The following STIM1 variants were observed in gnomAD, a reference collection of about 807,000 sequenced individuals.
STIM1 encodes the protein stromal interaction molecule 1.
A neutral mutation model predicts 74.7 loss-of-function variants in STIM1; 25 were observed. The observed-to-expected ratio is 0.33, with a 90% confidence interval of 0.24 to 0.47. The LOEUF (loss-of-function observed/expected upper bound fraction) is 0.47, where lower values mean the gene tolerates loss of function less well. Ranked by LOEUF, STIM1 falls within the 20% of genes least tolerant of loss-of-function variation. The pLI, the probability that STIM1 is intolerant of heterozygous loss-of-function variation, is 1.00. For missense variants in STIM1, 728 were observed against 920.8 expected, an observed-to-expected ratio of 0.79 and a Z score of 2.71; for synonymous variants, 328 against 348.8, an observed-to-expected ratio of 0.94 and a Z score of 0.66.
At chr11:3,940,885 A>C (rs746215507) in intron 1 of STIM1, among the ~76,000 whole-genome samples, 2 of 152,314 alleles carry the variant, frequency 1.3e-5, no homozygotes, top group South Asian at 4.1e-4. Context: ...TGCCATATGC[A>C]TATATTTATA....
intron 2 of STIM1, among the ~76,000 whole-genome samples, chr11:3,974,789 T>C (rs1449053492): frequency 6.6e-6 from 1 of 152,096 alleles, no homozygotes; most frequent in Admixed American, 6.6e-5. Context: ...ACCTGTGTTC[T>C]GTTCAAACTT....
intron 1 of STIM1, among the ~76,000 whole-genome samples, chr11:3,860,460 C>T (rs1041516575): frequency 3.7e-4 from 57 of 152,304 alleles, no homozygotes; most frequent in African/African-American, 1.4e-3. Context: ...CTACTTTAGC[C>T]ACTCTCAAAA....
chr11:3,890,896 A>G (rs2091873676), intron 1 of STIM1, among the ~76,000 whole-genome samples: 1 of 152,182 alleles, frequency 6.6e-6, no homozygotes. Flanking sequence ...CTAAAGCTCC[A>G]TGAAATACTG....
intron 7 of STIM1, 121 bp from the exon 8 acceptor site, chr11:4,082,062 AC>A: frequency 3.7e-6 from 4 of 1,093,294 alleles, no homozygotes; most frequent in Non-Finnish European, 5.6e-6. Flanking sequence ...AATAATCCTT[AC>A]CTTTTCTCCT....
chr11:3,957,202 A>G (rs1160927500), intron 1 of STIM1, among the ~76,000 whole-genome samples: 1 of 152,200 alleles, frequency 6.6e-6, no homozygotes, highest in African/African-American at 2.4e-5. Flanking sequence ...ACTCAGAAGT[A>G]TATCTCATTG....
chr11:3,989,153 G>A, intron 2 of STIM1: 1 of 1,257,778 alleles, frequency 8.0e-7, no homozygotes, highest in Non-Finnish European at 1.2e-6. Context: ...TATGATGTGT[G>A]GTATTATTCA....
chr11:4,084,691 G>T lies in STIM1; in HGVS notation c.1493G>T (p.Gly498Val), dbSNP rs1353996173. Residue 498 changes from glycine (G) to valine (V), a missense_variant, in exon 11 of 13, where the codon GGG (glycine) becomes GTG (valine). Transcript: ENST00000526596. ...LSMQYAAWLM[G>V]RRFSDRSLCS... ...ACCCTAGATGCTGCCTGGCTGATGG[G>T]GCGTAGGTTCAGTGACCGCTCTCTC... is the stretch of plus-strand genomic sequence containing the variant. 2 of 1,289,278 alleles carry T rather than the reference G, an allele frequency of 1.6e-6. No homozygotes were observed. Among genetic ancestry groups the T allele is most frequent in the Non-Finnish European group, 2.0e-6 (2 of 988,874 alleles). 79.9% of individuals were successfully genotyped at this position (1,289,278 alleles called of 1,614,324 possible). A position where few individuals can be genotyped will look rare whatever the true frequency, so the allele number is the denominator to read the frequency against.
intron 2 of STIM1, among the ~76,000 whole-genome samples, chr11:3,974,510 T>C (rs2093427337): frequency 8.2e-6 from 1 of 121,974 alleles, no homozygotes; most frequent in Non-Finnish European, 1.7e-5. Flanking sequence ...ACTCTATCTC[T>C]ACCAAAAAAA....
At chr11:4,065,515 C>A (rs1249148639) in intron 5 of STIM1, among the ~76,000 whole-genome samples, 1 of 151,056 alleles carries the variant, frequency 6.6e-6, no homozygotes, top group Non-Finnish European at 1.5e-5. Flanking sequence ...GCCTTTTATC[C>A]TTTAAACTGG....
intron 1 of STIM1, among the ~76,000 whole-genome samples, chr11:3,955,914 T>A (rs2093206193): frequency 6.6e-6 from 1 of 151,690 alleles, no homozygotes; most frequent in Admixed American, 6.5e-5. Context: ...AAAATTTTAA[T>A]TAAAAATTTT....
chr11:3,907,129 G>T (rs559625014), intron 1 of STIM1, among the ~76,000 whole-genome samples: 2 of 152,162 alleles, frequency 1.3e-5, no homozygotes, highest in Admixed American at 6.5e-5. Flanking sequence ...TTAGAAGTTG[G>T]CAATTATCTC....
intron 2 of STIM1, among the ~76,000 whole-genome samples, chr11:4,015,301 C>T (rs1565149079): frequency 6.6e-6 from 1 of 152,170 alleles, no homozygotes; most frequent in South Asian, 2.1e-4. Context: ...TTCTCCTTCA[C>T]TTATGAAGCT....
rs2094495114 is a variant in STIM1 at position 4,086,642 on chromosome 11, A to G, written c.1634+99A>G. 4 of 1,566,338 alleles carry G rather than the reference A, an allele frequency of 2.6e-6. No homozygotes were observed. The Admixed American group carries it at 7.4e-5, about 29-fold the overall frequency. ...GGACAGTCTTTCAGTTCTGAAGGCT[A>G]CGGGACCAGCTCTCCATCTGCCTCT... On this transcript the variant is annotated intron_variant, in intron 12 of 12. Transcript: ENST00000526596.
chr11:3,899,653 T>G (rs1181772449), intron 1 of STIM1, among the ~76,000 whole-genome samples: 1 of 151,364 alleles, frequency 6.6e-6, no homozygotes, highest in African/African-American at 2.4e-5. Context: ...GGCTGTGGGT[T>G]TGTCATAGAT....
At chr11:4,002,618 G>A (rs1409637172) in intron 2 of STIM1, among the ~76,000 whole-genome samples, 19 of 149,186 alleles carry the variant, frequency 1.3e-4, no homozygotes, top group Non-Finnish European at 2.4e-4. Context: ...AGCACTAAAT[G>A]CCCACAAGAG....
intron 12 of STIM1, chr11:4,088,664 C>T (rs2094506734): frequency 6.5e-7 from 1 of 1,533,418 alleles, no homozygotes; most frequent in South Asian, 1.2e-5. Flanking sequence ...TCCACCTGGC[C>T]TGTTCACTAC....
intron 3 of STIM1, among the ~76,000 whole-genome samples, chr11:4,030,820 G>C (rs1174173373): frequency 6.6e-6 from 1 of 151,984 alleles, no homozygotes; most frequent in Non-Finnish European, 1.5e-5. Context: ...CTCACCCGAG[G>C]GTTCTACCTG....
chr11:3,910,547 C>T (rs1002900941), intron 1 of STIM1, among the ~76,000 whole-genome samples: 1 of 151,972 alleles, frequency 6.6e-6, no homozygotes, highest in Non-Finnish European at 1.5e-5. Context: ...AGGCAACATA[C>T]GACACCCTGT....
rs200086415 is a variant in STIM1 at position 4,055,654 on chromosome 11, G to T, written c.497+17G>T. The T allele has an allele frequency of 7.7e-6, 12 of 1,553,958 alleles. No homozygotes were observed. Among genetic ancestry groups the T allele is most frequent in the Non-Finnish European group, 9.6e-6 (11 of 1,146,192 alleles). ...CATGCCAAGGTCAGGAGGGGACTGG[G>T]TTTTTCTCTGTTGAGGGTACGGGGA... On this transcript the variant is annotated intron_variant, in intron 4 of 12. Transcript: ENST00000526596.
Sources: allele counts gnomAD v4.1 joint callset (sites outside exome capture counted in the v4.1 genomes callset), GRCh38; gene constraint gnomAD v4.1.1; transcripts MANE v1.5; gene names NCBI Gene and HGNC (gene_info 2026-07-23, HGNC 2026-07-21).